The following SHISA6 variants were observed in gnomAD, a reference collection of about 807,000 sequenced individuals.
SHISA6 encodes the protein protein shisa-6.
A neutral mutation model predicts 47.9 loss-of-function variants in SHISA6; 22 were observed. The observed-to-expected ratio is 0.46, with a 90% confidence interval of 0.33 to 0.66. The LOEUF (loss-of-function observed/expected upper bound fraction) is 0.66, where lower values mean the gene tolerates loss of function less well. Among genes scored for constraint, SHISA6 ranks in the 30% least tolerant of loss-of-function variants. The pLI is 0.02. For synonymous variants in SHISA6, 388 were observed against 337.8 expected (o/e 1.15, Z -1.63); for missense variants, 680 against 764.6 (o/e 0.89, Z 1.30).
At chr17:11,406,319 C>G (rs1486977407) in intron 3 of SHISA6, among the ~76,000 whole-genome samples, 5 of 152,192 alleles carry the variant, frequency 3.3e-5, no homozygotes, top group Admixed American at 6.5e-5. Flanking sequence ...TACTTCTCCA[C>G]CTCTTCCACC....
intron 2 of SHISA6, among the ~76,000 whole-genome samples, chr17:11,344,598 A>C (rs969182764): frequency 1.3e-5 from 2 of 151,848 alleles, no homozygotes; most frequent in Non-Finnish European, 2.9e-5. Context: ...TTATTTCTGG[A>C]CTCTCTTGCC....
chr17:11,540,946 T>A (rs1244898999), intron 3 of SHISA6, among the ~76,000 whole-genome samples: 1 of 152,182 alleles, frequency 6.6e-6, no homozygotes, highest in Non-Finnish European at 1.5e-5. Context: ...AGAGACTTTG[T>A]AAATAGCATG....
At chr17:11,525,651 AC>A (rs142790080) in intron 3 of SHISA6, among the ~76,000 whole-genome samples, 1,993 of 42,450 alleles carry the variant, frequency 0.047, 279 homozygotes, top group East Asian at 0.093. Context: ...AAAAAAAAAA[AC>A]AAAAAAAAAA....
At chr17:11,251,389 A>G (rs1907798477) in intron 1 of SHISA6, among the ~76,000 whole-genome samples, 1 of 152,020 alleles carries the variant, frequency 6.6e-6, no homozygotes, top group Non-Finnish European at 1.5e-5. Context: ...CAAAGAAAAT[A>G]TTAAACAAAA....
intron 3 of SHISA6, among the ~76,000 whole-genome samples, chr17:11,411,479 C>T (rs146792610): frequency 0.042 from 6,451 of 152,176 alleles, 280 homozygotes; most frequent in African/African-American, 0.11. Context: ...TCACTGCAAC[C>T]TCCGCCTCCC....
At chr17:11,250,237 C>T (rs200870179) in intron 1 of SHISA6, among the ~76,000 whole-genome samples, 1 of 152,146 alleles carries the variant, frequency 6.6e-6, no homozygotes, top group Non-Finnish European at 1.5e-5. Flanking sequence ...CAGTGAGGCT[C>T]GGGGTCAGAG....
chr17:11,529,542 A>G (rs2071715344), intron 3 of SHISA6, among the ~76,000 whole-genome samples: 1 of 152,240 alleles, frequency 6.6e-6, no homozygotes, highest in African/African-American at 2.4e-5. Context: ...GAAAAACAAT[A>G]TGTGTCCCAA....
intron 3 of SHISA6, among the ~76,000 whole-genome samples, chr17:11,408,036 C>T (rs1295972316): frequency 2.0e-5 from 3 of 152,146 alleles, no homozygotes; most frequent in Non-Finnish European, 4.4e-5. Context: ...GTGCCTGGAC[C>T]AGATAAACAC....
At chr17:11,522,395 C>A (rs903221194) in intron 3 of SHISA6, among the ~76,000 whole-genome samples, 2 of 152,164 alleles carry the variant, frequency 1.3e-5, no homozygotes, top group East Asian at 1.9e-4. Flanking sequence ...TCCTGAGTAG[C>A]TGGGACTACA....
chr17:11,471,210 GA>G (rs10699970), intron 3 of SHISA6, among the ~76,000 whole-genome samples: 366 of 97,762 alleles, frequency 3.7e-3, no homozygotes, highest in South Asian at 0.012. Context: ...CTCCATCTCA[GA>G]AAAAAAAAAA....
chr17:11,495,993 TCATCCATCCATC>T (rs10642001), intron 3 of SHISA6, among the ~76,000 whole-genome samples: 16 of 148,734 alleles, frequency 1.1e-4, no homozygotes, highest in East Asian at 2.0e-4. Flanking sequence ...ATTTATCCAT[TCATCCATCCATC>T]CATCCATCCA....
At chr17:11,311,613 G>A (rs1468953466) in intron 2 of SHISA6, among the ~76,000 whole-genome samples, 2 of 151,864 alleles carry the variant, frequency 1.3e-5, no homozygotes, top group African/African-American at 2.4e-5. Context: ...ATAATCAACA[G>A]TGTTTTATGT....
At chr17:11,306,380 G>A (rs996144186) in intron 2 of SHISA6, among the ~76,000 whole-genome samples, 1 of 152,160 alleles carries the variant, frequency 6.6e-6, no homozygotes, top group Non-Finnish European at 1.5e-5. Context: ...AAAAGAGAAG[G>A]AGGGCCACAG....
At chr17:11,294,682 C>G (rs550916360) in intron 2 of SHISA6, among the ~76,000 whole-genome samples, 1 of 152,148 alleles carries the variant, frequency 6.6e-6, no homozygotes, top group Non-Finnish European at 1.5e-5. Context: ...TATGTACGTT[C>G]CAAGACCCCC....
intron 2 of SHISA6, among the ~76,000 whole-genome samples, chr17:11,321,635 A>G (rs962428345): frequency 2.0e-5 from 3 of 152,188 alleles, no homozygotes; most frequent in Admixed American, 2.0e-4. Context: ...GTTTCAATCT[A>G]CTATCTTGTT....
chr17:11,546,989 C>T (rs946605737), intron 3 of SHISA6, among the ~76,000 whole-genome samples: 2 of 151,670 alleles, frequency 1.3e-5, no homozygotes, highest in African/African-American at 4.8e-5. Flanking sequence ...ATGGTACATG[C>T]GATAAACAAG....
chr17:11,346,665 T>C (rs776041208), intron 2 of SHISA6, among the ~76,000 whole-genome samples: 1 of 152,230 alleles, frequency 6.6e-6, no homozygotes, highest in African/African-American at 2.4e-5. Flanking sequence ...CCCAATAATA[T>C]ATCATTCTAT....
chr17:11,273,200 G>C (rs1034626254), intron 2 of SHISA6, among the ~76,000 whole-genome samples: 2 of 152,232 alleles, frequency 1.3e-5, no homozygotes, highest in Non-Finnish European at 2.9e-5. Flanking sequence ...ACACAGCCAG[G>C]AGGGGGTGCT....
chr17:11,485,450 G>C (rs1001700869), intron 3 of SHISA6, among the ~76,000 whole-genome samples: 2 of 152,196 alleles, frequency 1.3e-5, no homozygotes, highest in Admixed American at 6.5e-5. Context: ...GGGCAATGCT[G>C]TCTCACATTA....
Sources: allele counts gnomAD v4.1 joint callset (sites outside exome capture counted in the v4.1 genomes callset), GRCh38; gene constraint gnomAD v4.1.1; transcripts MANE v1.5; gene names NCBI Gene and HGNC (gene_info 2026-07-23, HGNC 2026-07-21).